The following BRCA1 variants were observed in gnomAD, a reference collection of about 807,000 sequenced individuals.
BRCA1 encodes breast cancer type 1 susceptibility protein.
A neutral mutation model predicts 173.7 loss-of-function variants in BRCA1; 140 were observed. The ratio of observed to expected loss-of-function variants is 0.81; its 90% CI spans 0.70 to 0.93. The LOEUF (loss-of-function observed/expected upper bound fraction) is 0.93. Among genes scored for constraint, BRCA1 ranks in the 40% least tolerant of loss-of-function variants. The probability of loss-of-function intolerance (pLI) is 0.00; values close to 1 mark genes in which losing one functional copy is unlikely to be tolerated. For synonymous variants in BRCA1, 662 were observed against 756.0 expected, an observed-to-expected ratio of 0.88 and a Z score of 2.04; for missense variants, 1,983 against 2,172.5, an observed-to-expected ratio of 0.91 and a Z score of 1.73.
At chr17:43,122,389 G>A (rs754789567) in intron 2 of BRCA1, among the ~76,000 whole-genome samples, 2 of 152,132 alleles carry the variant, frequency 1.3e-5, no homozygotes, top group Admixed American at 6.5e-5. Flanking sequence ...CCCAAGTACC[G>A]TTCTAACTAC....
chr17:43,128,775 A>G (rs2055938946), upstream of BRCA1, among the ~76,000 whole-genome samples: 1 of 150,472 alleles, frequency 6.6e-6, no homozygotes, highest in Non-Finnish European at 1.5e-5. Flanking sequence ...TTGGAAAGGC[A>G]CTGTTTCTCC....
intron 19 of BRCA1, among the ~76,000 whole-genome samples, chr17:43,053,464 C>T (rs2051333136): frequency 6.6e-6 from 1 of 151,368 alleles, no homozygotes. Flanking sequence ...AGATGGAGAC[C>T]ATCCCGTCTA....
intron 1 of BRCA1, among the ~76,000 whole-genome samples, chr17:43,146,978 T>A (rs945596908): frequency 7.3e-5 from 11 of 151,716 alleles, no homozygotes; most frequent in African/African-American, 2.7e-4. Flanking sequence ...TCATCCTCAC[T>A]GGAAGACTCC....
chr17:43,105,086 T>A, intron 4 of BRCA1, 130 bp from the exon 5 acceptor site: 1 of 728,284 alleles, frequency 1.4e-6, no homozygotes, highest in Non-Finnish European at 2.4e-6. Flanking sequence ...CTATAATCAA[T>A]ACATCATTGA....
rs1567807396 is a variant in BRCA1, at chr17:43,100,637, T to C, written c.442-757A>G. ...ATATATAACATATATATATGTTATA[T>C]ATATATAACATATATATAACATATA... On this transcript the variant is annotated intron_variant, in intron 6 of 22. Transcript: ENST00000357654. Among the ~76,000 whole-genome samples, 52 of 74,190 alleles carry C rather than the reference T, an allele frequency of 7.0e-4. 2 individuals carry two copies. The highest frequency in any genetic ancestry group is 2.1e-3 in the African/African-American group (42 of 19,598). 48.7% of individuals were successfully genotyped at this position (74,190 alleles called of 152,430 possible). A position where few individuals can be genotyped will look rare whatever the true frequency, so the allele number is the denominator to read the frequency against.
In BRCA1 at chr17:43,125,268, T is replaced by C. The variant is rs1064795882; in HGVS notation, c.-20+3A>G. 4.4e-6 allele frequency: 2 copies of C among 456,126 alleles called. No individual in the cohort carries two copies. Among genetic ancestry groups the C allele is most frequent in the Middle Eastern group, 3.3e-4 (1 of 3,074 alleles). 28.3% of individuals were successfully genotyped at this position (456,126 alleles called of 1,614,324 possible). Reference sequence around the variant, plus strand: ...CCCTGTCCCTTTCCCGGGACTCTACTACCTTTACCCAGAGCAGAGGGTGAA... The same window carrying C: ...CCCTGTCCCTTTCCCGGGACTCTACCACCTTTACCCAGAGCAGAGGGTGAA... On this transcript the variant is annotated splice_donor_region_variant and intron_variant, in intron 1 of 22. Transcript: ENST00000357654.
At chr17:43,105,417 TGTTG>T (rs2054718908) in intron 4 of BRCA1, among the ~76,000 whole-genome samples, 1 of 152,106 alleles carries the variant, frequency 6.6e-6, no homozygotes, top group Non-Finnish European at 1.5e-5. Flanking sequence ...TTATTTATTT[TGTTG>T]GTAGTGATGG....
In BRCA1 at chr17:43,066,409, G is replaced by C. The variant is rs8176239; in HGVS notation, c.5074+1199C>G. 4.8e-3 allele frequency among the ~76,000 whole-genome samples: 734 copies of C among 152,096 alleles called. 4 individuals are homozygous for C. Among genetic ancestry groups the C allele is most frequent in the Non-Finnish European group, 8.1e-3 (554 of 67,986 alleles). ...GGGGTCTCCAGGTTTTGCCTCACTTGTTCTTTCTTTTGTTGTTGTTGAGAC... is the reference window on the plus strand; with the variant it reads ...GGGGTCTCCAGGTTTTGCCTCACTTCTTCTTTCTTTTGTTGTTGTTGAGAC... On this transcript the variant is annotated intron_variant, in intron 16 of 22. Coordinates refer to ENST00000357654, the MANE Select transcript of BRCA1 (RefSeq NM_007294.4).
chr17:43,146,784 C>G (rs541878794), intron 1 of BRCA1, among the ~76,000 whole-genome samples: 2 of 152,264 alleles, frequency 1.3e-5, no homozygotes, highest in African/African-American at 4.8e-5. Context: ...TCACTCTCTT[C>G]CCCTCTCAGC....
rs1407411387 is a variant in BRCA1 at position 43,082,382 on chromosome 17, G to A, written c.4357+22C>T. The A allele has an allele frequency of 3.1e-6, 5 of 1,611,618 alleles. No homozygotes were observed. The highest frequency in any genetic ancestry group is 2.5e-6 in the Non-Finnish European group (3 of 1,177,910). ...GGAAAGAATTTTGCTTAAGATATCA[G>A]TGTTTGGCCAACAATACACACCTTT... is the stretch of plus-strand genomic sequence containing the variant. On this transcript the variant is annotated intron_variant, in intron 12 of 22. Transcript: ENST00000357654.
In BRCA1 at chr17:43,093,555, G is replaced by C. The variant is rs1258526903; in HGVS notation, c.1976C>G (p.Pro659Arg). ...EIKKKKYNQM[P>R]VRHSRNLQLM... ...TTGTAGGTTTCTGCTGTGCCTGACT[G>C]GCATTTGGTTGTACTTTTTTTTCTT... Residue 659 changes from proline to arginine, a missense_variant, in exon 10 of 23, where the codon CCA (proline) becomes CGA (arginine). Pro to Arg is a moderately radical substitution (Grantham distance 103, BLOSUM62 -2). Transcript: ENST00000357654. 1 of 1,613,944 alleles carries C rather than the reference G, an allele frequency of 6.2e-7. No homozygotes were observed. The highest frequency in any genetic ancestry group is 8.5e-7 in the Non-Finnish European group (1 of 1,179,992).
At chr17:43,068,620 T>C (rs2052253664) in intron 15 of BRCA1, among the ~76,000 whole-genome samples, 1 of 152,086 alleles carries the variant, frequency 6.6e-6, no homozygotes, top group African/African-American at 2.4e-5. Flanking sequence ...TATCATTCGA[T>C]TCCCTAAGAT....
chr17:43,076,894 A>G (rs1399101019), intron 12 of BRCA1, among the ~76,000 whole-genome samples: 4 of 152,166 alleles, frequency 2.6e-5, no homozygotes, highest in Admixed American at 2.6e-4. Context: ...GAAAAAAAAA[A>G]TCTATATTCC....
intron 1 of BRCA1, chr17:43,144,260 A>G: frequency 6.3e-6 from 2 of 315,096 alleles, no homozygotes; most frequent in South Asian, 2.4e-5. Context: ...CCATCTTGTA[A>G]GGGCGAAAAG....
At chr17:43,087,001 T>C (rs1306145008) in intron 11 of BRCA1, among the ~76,000 whole-genome samples, 3 of 152,230 alleles carry the variant, frequency 2.0e-5, no homozygotes, top group African/African-American at 7.2e-5. Context: ...CTAATTGTAG[T>C]TCTCATAGCA....
At chr17:43,150,642 C>G (rs1258057036) in intron 1 of BRCA1, among the ~76,000 whole-genome samples, 3 of 152,202 alleles carry the variant, frequency 2.0e-5, no homozygotes, top group East Asian at 3.9e-4. Context: ...GGATAAAAGT[C>G]CCCTGAATTC....
At position 43,093,382 on chromosome 17, in the gene BRCA1, C is replaced by A. The variant is rs886040004; in HGVS notation, c.2149G>T (p.Glu717Ter). Residue 717 changes from glutamate (E) to a stop codon, truncating the protein, a stop_gained, in exon 10 of 23, where the codon GAA (glutamate) becomes TAA (stop). Transcript: ENST00000357654. LOFTEE classifies it high-confidence loss of function. ...CTAGGATTGACAAATTCTTTAAGTTCACTGGTATTTGAACACTTAGTAAAA... is the reference window on the plus strand; with the variant it reads ...CTAGGATTGACAAATTCTTTAAGTTAACTGGTATTTGAACACTTAGTAAAA... ...GSFTKCSNTS[E>*]LKEFVNPSLP... 1 of 1,614,020 alleles carries A rather than the reference C, an allele frequency of 6.2e-7. No individual in the cohort carries two copies. Among genetic ancestry groups the A allele is most frequent in the South Asian group, 1.1e-5 (1 of 91,056 alleles).
intron 1 of BRCA1, among the ~76,000 whole-genome samples, chr17:43,152,664 C>T (rs1316467397): frequency 6.6e-6 from 1 of 152,060 alleles, no homozygotes; most frequent in African/African-American, 2.4e-5. Flanking sequence ...ACCATCCTGG[C>T]TAACACAGTG....
chr17:43,064,005 T>C, intron 16 of BRCA1, 54 bp from the exon 17 acceptor site: 2 of 1,529,334 alleles, frequency 1.3e-6, no homozygotes, highest in Non-Finnish European at 1.8e-6. Context: ...AATCAGGAAG[T>C]GCTGTCCTAA....
Sources: gnomAD v4.1 joint callset for allele counts (sites outside exome capture counted in the v4.1 genomes callset) on GRCh38, gnomAD v4.1.1 for gene constraint, MANE v1.5 for transcripts, NCBI Gene and HGNC (gene_info 2026-07-23, HGNC 2026-07-21) for gene names.